The following TNS3 variants were observed in gnomAD, a reference collection of about 807,000 sequenced individuals.
TNS3 encodes tensin-3.
In TNS3, 45 loss-of-function variants were observed where a neutral mutation model predicts 140.9. That is an observed-to-expected ratio of 0.32 (90% CI 0.25 to 0.41). The LOEUF (loss-of-function observed/expected upper bound fraction) is 0.41. Ranked by LOEUF, TNS3 falls within the 10% of genes least tolerant of loss-of-function variation. TNS3 has a pLI of 1.00. For synonymous variants in TNS3, 815 were observed against 788.4 expected (o/e 1.03, Z -0.56); for missense variants, 1,716 against 1,906.7 (o/e 0.90, Z 1.86).
chr7:47,564,542 A>G (rs1800383754), intron 1 of TNS3, among the ~76,000 whole-genome samples: 1 of 150,720 alleles, frequency 6.6e-6, no homozygotes, highest in African/African-American at 2.4e-5. Context: ...AGGCTGAGGC[A>G]GGAGAATAGC....
intron 4 of TNS3, among the ~76,000 whole-genome samples, chr7:47,450,557 C>A (rs937897479): frequency 5.3e-5 from 8 of 152,234 alleles, no homozygotes; most frequent in Non-Finnish European, 1.2e-4. Flanking sequence ...CTTTAAGAAG[C>A]AGTCCCCTTA....
chr7:47,317,256 G>A (rs553492261), intron 20 of TNS3, among the ~76,000 whole-genome samples: 2 of 152,312 alleles, frequency 1.3e-5, no homozygotes, highest in African/African-American at 2.4e-5. Context: ...ACCAAAAGCC[G>A]GGTGACCCTT....
chr7:47,285,665 C>T (rs17172845), intron 27 of TNS3, among the ~76,000 whole-genome samples: 4,615 of 152,260 alleles, frequency 0.03, 232 homozygotes, highest in African/African-American at 0.11. Flanking sequence ...CGATATTTAT[C>T]AGGTGGATAT....
In TNS3 at chr7:47,529,106, C is replaced by T. The variant is rs1275783159; in HGVS notation, c.-223G>A. 2 of 1,288,644 alleles carry T rather than the reference C, an allele frequency of 1.6e-6. No individual in the cohort carries two copies. The highest frequency in any genetic ancestry group is 5.5e-5 in the East Asian group (1 of 18,028). 79.8% of individuals were successfully genotyped at this position (1,288,644 alleles called of 1,614,324 possible). A position where few individuals can be genotyped will look rare whatever the true frequency, so the allele number is the denominator to read the frequency against. On this transcript the variant is annotated 5_prime_UTR_variant, in exon 2 of 31. Coordinates refer to ENST00000311160, the MANE Select transcript of TNS3 (RefSeq NM_022748.12). ...CACACACTTTGGATTTTTTAAAGGC[C>T]TTGTTCTTAAAAGCGTGCAGACTCG... is the stretch of plus-strand genomic sequence containing the variant.
chr7:47,281,641 G>A (rs1051227183), intron 28 of TNS3, among the ~76,000 whole-genome samples: 3 of 152,170 alleles, frequency 2.0e-5, no homozygotes, highest in South Asian at 2.1e-4. Flanking sequence ...GAACTCAAAC[G>A]CTATCTCTTA....
intron 1 of TNS3, among the ~76,000 whole-genome samples, chr7:47,576,911 C>T (rs377215851): frequency 6.6e-6 from 1 of 152,384 alleles, no homozygotes; most frequent in African/African-American, 2.4e-5. Context: ...CGGCAGTGAA[C>T]GGCCTTGGCC....
At chr7:47,533,264 T>C (rs1192593571) in intron 1 of TNS3, among the ~76,000 whole-genome samples, 4 of 150,268 alleles carry the variant, frequency 2.7e-5, no homozygotes, top group Non-Finnish European at 5.9e-5. Flanking sequence ...CCCAAGTAGC[T>C]GGGATTACAG....
intron 28 of TNS3, among the ~76,000 whole-genome samples, 189 bp downstream of exon 28, chr7:47,283,508 C>T (rs573331094): frequency 4.9e-4 from 74 of 152,260 alleles, no homozygotes; most frequent in African/African-American, 1.7e-3. Flanking sequence ...CAAACAAATG[C>T]TAAGAGTTCC....
At chr7:47,302,626 A>G (rs1786471877) in intron 22 of TNS3, among the ~76,000 whole-genome samples, 1 of 152,222 alleles carries the variant, frequency 6.6e-6, no homozygotes, top group African/African-American at 2.4e-5. Flanking sequence ...GAATTAATTT[A>G]ATTTGACAAG....
At chr7:47,438,531 G>A (rs935974339) in intron 6 of TNS3, among the ~76,000 whole-genome samples, 6 of 152,164 alleles carry the variant, frequency 3.9e-5, no homozygotes, top group Non-Finnish European at 8.8e-5. Flanking sequence ...CATCAAATGG[G>A]GCTTGGCCAC....
At chr7:47,374,755 G>A (rs1323733911) in intron 16 of TNS3, among the ~76,000 whole-genome samples, 1 of 152,174 alleles carries the variant, frequency 6.6e-6, no homozygotes, top group Admixed American at 6.5e-5. Flanking sequence ...TGATAATATG[G>A]TTCTGGTTTG....
At chr7:47,370,497 A>T (rs1278636111) in intron 16 of TNS3, among the ~76,000 whole-genome samples, 3 of 152,160 alleles carry the variant, frequency 2.0e-5, no homozygotes, top group Admixed American at 6.5e-5. Context: ...TGAAACTTTG[A>T]ACTAAAGTGT....
At chr7:47,392,360 C>A (rs561067431) in intron 16 of TNS3, among the ~76,000 whole-genome samples, 1 of 152,300 alleles carries the variant, frequency 6.6e-6, no homozygotes, top group Admixed American at 6.5e-5. Context: ...TCAAAGCCAG[C>A]GCTCCCCTAA....
intron 1 of TNS3, among the ~76,000 whole-genome samples, chr7:47,564,921 T>C (rs1800397506): frequency 6.6e-6 from 1 of 151,970 alleles, no homozygotes; most frequent in African/African-American, 2.4e-5. Flanking sequence ...GCTACCTACT[T>C]GCTCCTGAGT....
intron 16 of TNS3, 187 bp downstream of exon 16, chr7:47,396,612 CA>C: frequency 1.7e-6 from 1 of 605,506 alleles, no homozygotes; most frequent in Non-Finnish European, 3.0e-6. Context: ...CCAAACTCAC[CA>C]TGCCTTATTC....
At chr7:47,282,374 C>T (rs909333062) in intron 28 of TNS3, among the ~76,000 whole-genome samples, 2 of 151,794 alleles carry the variant, frequency 1.3e-5, no homozygotes, top group Admixed American at 6.6e-5. Flanking sequence ...GACTCTGACC[C>T]TGAGTCCACC....
At chr7:47,432,585 T>C (rs1165602906) in intron 8 of TNS3, among the ~76,000 whole-genome samples, 1 of 152,256 alleles carries the variant, frequency 6.6e-6, no homozygotes, top group Non-Finnish European at 1.5e-5. Context: ...CAAACTCATT[T>C]TACAAGGCCA....
chr7:47,576,704 C>T (rs1800683790), intron 1 of TNS3, among the ~76,000 whole-genome samples: 1 of 152,240 alleles, frequency 6.6e-6, no homozygotes, highest in Non-Finnish European at 1.5e-5. Context: ...GCCCACTCTC[C>T]TGCCCGCCTG....
At chr7:47,291,833 C>T in intron 27 of TNS3, 122 bp downstream of exon 27, 1 of 1,099,894 alleles carries the variant, frequency 9.1e-7, no homozygotes, top group Non-Finnish European at 1.3e-6. Context: ...TAAAAGGAAA[C>T]CTCCTTCAAG....
Sources: gnomAD v4.1 joint callset for allele counts (sites outside exome capture counted in the v4.1 genomes callset) on GRCh38, gnomAD v4.1.1 for gene constraint, MANE v1.5 for transcripts, NCBI Gene and HGNC (gene_info 2026-07-23, HGNC 2026-07-21) for gene names.